Variants in CPVL observed in about 807,000 individuals in gnomAD.
CPVL encodes the protein probable serine carboxypeptidase CPVL.
In CPVL, 51 loss-of-function variants were observed where a neutral mutation model predicts 63.7. The ratio of observed to expected loss-of-function variants is 0.80; its 90% confidence interval spans 0.64 to 1.01. The LOEUF (loss-of-function observed/expected upper bound fraction) is 1.01, where lower values mean the gene tolerates loss of function less well. Among genes scored for constraint, CPVL ranks in the 50% least tolerant of loss-of-function variants. The pLI is 0.00. For missense variants in CPVL, 530 were observed against 573.1 expected (o/e 0.92, Z 0.77); for synonymous variants, 195 against 206.0 (o/e 0.95, Z 0.46).
In CPVL at chr7:29,093,848, T is replaced by A. The variant is rs569929140; in HGVS notation, c.463-1146A>T. Among the ~76,000 whole-genome samples, 358 of 152,238 alleles carry A rather than the reference T, an allele frequency of 2.4e-3. 1 individual carries two copies. The highest frequency in any genetic ancestry group is 8.0e-3 in the African/African-American group (332 of 41,528). ...AGAGCATGTTGACATTTTTTTCCGC[T>A]TTTATTTGTGTTCTTTTGGACCATC... On this transcript the variant is annotated intron_variant, in intron 5 of 12. Transcript: ENST00000265394.
chr7:29,042,350 C>G (rs1789187651), intron 11 of CPVL, among the ~76,000 whole-genome samples: 1 of 152,124 alleles, frequency 6.6e-6, no homozygotes, highest in Non-Finnish European at 1.5e-5. Flanking sequence ...CACCTTTAAT[C>G]CTAGCACTGT....
chr7:29,020,218 G>A (rs1786821441), intron 12 of CPVL, among the ~76,000 whole-genome samples: 1 of 152,202 alleles, frequency 6.6e-6, no homozygotes. Context: ...ATAACAGGTG[G>A]TGGAGGCAGC....
intron 1 of CPVL, among the ~76,000 whole-genome samples, chr7:29,145,232 T>G (rs1346738625): frequency 6.6e-6 from 1 of 151,534 alleles, no homozygotes; most frequent in Admixed American, 6.6e-5. Flanking sequence ...CTTTTTACTC[T>G]GCTTACATCT....
At chr7:29,016,080 G>A (rs961999343) in intron 12 of CPVL, among the ~76,000 whole-genome samples, 3 of 152,134 alleles carry the variant, frequency 2.0e-5, no homozygotes, top group African/African-American at 7.2e-5. Flanking sequence ...TTCCAGCATG[G>A]TGGCTCATGC....
intron 11 of CPVL, among the ~76,000 whole-genome samples, chr7:29,032,937 GTTGTTAGTCAAGACTTATC>G (rs1311013392): frequency 4.6e-5 from 7 of 152,158 alleles, no homozygotes; most frequent in Non-Finnish European, 5.9e-5. Context: ...CCATCCCTGA[GTTGTTAGTCAAGACTTATC>G]TTGTTAGTCA....
intron 11 of CPVL, among the ~76,000 whole-genome samples, chr7:29,042,573 C>T (rs762498159): frequency 6.6e-6 from 1 of 152,106 alleles, no homozygotes; most frequent in Non-Finnish European, 1.5e-5. Flanking sequence ...ACACTGCACT[C>T]TAGCCTGGGC....
At chr7:29,165,610 A>G (rs1282526524) in intron 5 of CPVL, among the ~76,000 whole-genome samples, 1 of 152,240 alleles carries the variant, frequency 6.6e-6, no homozygotes, top group Non-Finnish European at 1.5e-5. Flanking sequence ...AAGTGATAGA[A>G]TGGATATACT....
At chr7:29,028,046 A>G (rs1787666409) in intron 12 of CPVL, among the ~76,000 whole-genome samples, 1 of 152,224 alleles carries the variant, frequency 6.6e-6, no homozygotes. Context: ...TTCAAAATAT[A>G]CTACAAAGCA....
chr7:29,040,715 A>G (rs1788981203), intron 11 of CPVL, among the ~76,000 whole-genome samples: 1 of 152,180 alleles, frequency 6.6e-6, no homozygotes, highest in Non-Finnish European at 1.5e-5. Flanking sequence ...TGGTTTTGTC[A>G]AGATGAATAA....
At chr7:29,135,466 G>A (rs1301590749) in intron 1 of CPVL, among the ~76,000 whole-genome samples, 1 of 151,792 alleles carries the variant, frequency 6.6e-6, no homozygotes, top group Non-Finnish European at 1.5e-5. Flanking sequence ...TGAGTAGCTG[G>A]GATTACAGGT....
At chr7:29,118,492 G>T (rs992246313) in intron 2 of CPVL, among the ~76,000 whole-genome samples, 4 of 152,204 alleles carry the variant, frequency 2.6e-5, no homozygotes, top group South Asian at 2.1e-4. Flanking sequence ...CTTCTCTTGT[G>T]AGGTAAAAAT....
At chr7:29,178,247 A>C (rs1278471366) in intron 5 of CPVL, among the ~76,000 whole-genome samples, 2 of 152,170 alleles carry the variant, frequency 1.3e-5, no homozygotes, top group African/African-American at 2.4e-5. Flanking sequence ...TTTCAGTATG[A>C]ATCAGAACAT....
intron 12 of CPVL, among the ~76,000 whole-genome samples, chr7:29,028,919 A>T (rs1787753155): frequency 6.8e-6 from 1 of 147,996 alleles, no homozygotes; most frequent in Non-Finnish European, 1.5e-5. Flanking sequence ...GAGCCGAGAG[A>T]TCCTGCCACG....
Position 29,146,499 on chromosome 7 carries a change from C to T in CPVL, c.-81G>A. 1 of 1,461,930 alleles carries T rather than the reference C, an allele frequency of 6.8e-7. No individual in the cohort carries two copies. Among genetic ancestry groups the T allele is most frequent in the South Asian group, 1.5e-5 (1 of 67,956 alleles). The allele number at this position is 1,461,930 out of a possible 1,614,324, so 90.6% of individuals were successfully genotyped here. A position where few individuals can be genotyped will look rare whatever the true frequency, so the allele number is the denominator to read the frequency against. On this transcript the variant is annotated 5_prime_UTR_variant, in exon 1 of 13. Coordinates refer to ENST00000265394, the MANE Select transcript of CPVL (RefSeq NM_031311.5). Reference sequence around the variant, plus strand: ...CCAGCCGGTTGTCCTTGCAGCGCTTCCCAAATCAGGCAGAAGTGAGGCAGC... The same window carrying T: ...CCAGCCGGTTGTCCTTGCAGCGCTTTCCAAATCAGGCAGAAGTGAGGCAGC...
intron 7 of CPVL, among the ~76,000 whole-genome samples, chr7:29,083,915 TTGTC>T (rs1349091509): frequency 2.0e-5 from 3 of 152,116 alleles, no homozygotes; most frequent in Non-Finnish European, 1.5e-5. Flanking sequence ...TTACAGTTAC[TTGTC>T]TAATTTTTTC....
At chr7:29,147,274 G>A (rs765363704), upstream of CPVL, 300 of 318,250 alleles carry the variant, frequency 9.4e-4, no homozygotes, top group Non-Finnish European at 1.4e-3. Context: ...CAACAGCAGC[G>A]TCAACTGCCA....
chr7:29,029,270 AT>A (rs1787789357), intron 12 of CPVL, among the ~76,000 whole-genome samples: 1 of 152,244 alleles, frequency 6.6e-6, no homozygotes, highest in African/African-American at 2.4e-5. Context: ...TACAAATAGA[AT>A]TACCATATGC....
chr7:29,160,225 A>G (rs541979061), intron 5 of CPVL, among the ~76,000 whole-genome samples: 1 of 152,276 alleles, frequency 6.6e-6, no homozygotes, highest in East Asian at 1.9e-4. Flanking sequence ...GGCCACCCAC[A>G]GTGTGTGAAG....
At chr7:29,015,603 C>G (rs1007190607) in intron 12 of CPVL, among the ~76,000 whole-genome samples, 2 of 152,170 alleles carry the variant, frequency 1.3e-5, no homozygotes, top group Non-Finnish European at 2.9e-5. Flanking sequence ...TCATGCTTCC[C>G]GTACAGCCTG....
Sources: gnomAD v4.1 joint callset for allele counts (sites outside exome capture counted in the v4.1 genomes callset) on GRCh38, gnomAD v4.1.1 for gene constraint, MANE v1.5 for transcripts, NCBI Gene and HGNC (gene_info 2026-07-23, HGNC 2026-07-21) for gene names.